Variants in SOX6 observed in about 807,000 individuals in gnomAD.
SOX6 encodes transcription factor SOX-6.
Under a neutral mutation model 97.8 loss-of-function variants are expected in SOX6, and 11 were observed. The ratio of observed to expected loss-of-function variants is 0.11; its 90% CI spans 0.07 to 0.19. SOX6 has a LOEUF of 0.19. Ranked by LOEUF, SOX6 falls within the 10% of genes least tolerant of loss-of-function variation. SOX6 has a pLI of 1.00. For missense variants in SOX6, 810 were observed against 1,039.5 expected, an observed-to-expected ratio of 0.78 and a Z score of 3.04; for synonymous variants, 360 against 371.4, an observed-to-expected ratio of 0.97 and a Z score of 0.35.
intron 12 of SOX6, among the ~76,000 whole-genome samples, chr11:16,016,373 T>C (rs1854883585): frequency 6.6e-6 from 1 of 152,066 alleles, no homozygotes; most frequent in South Asian, 2.1e-4. Flanking sequence ...TCTACACCAT[T>C]TCTATGAAAG....
chr11:15,980,939 C>T (rs1230072855), intron 15 of SOX6, among the ~76,000 whole-genome samples: 3 of 151,388 alleles, frequency 2.0e-5, no homozygotes, highest in Non-Finnish European at 4.4e-5. Context: ...GCTTCTCCAA[C>T]TATAGAATTC....
intron 1 of SOX6, among the ~76,000 whole-genome samples, chr11:16,347,174 C>G (rs1346464522): frequency 6.6e-6 from 1 of 152,114 alleles, no homozygotes; most frequent in African/African-American, 2.4e-5. Context: ...AGCCTAATGA[C>G]TGGCCTGCTG....
intron 4 of SOX6, among the ~76,000 whole-genome samples, chr11:16,560,510 CAT>C (rs1307746479): frequency 2.6e-5 from 3 of 115,530 alleles, no homozygotes; most frequent in African/African-American, 1.1e-4. Context: ...TTTATACGTA[CAT>C]ATATGTTTAT....
At chr11:16,312,734 T>C (rs975788871) in intron 3 of SOX6, 2 of 152,198 alleles carry the variant, frequency 1.3e-5, no homozygotes, top group African/African-American at 4.8e-5. Flanking sequence ...TGTATTTAGA[T>C]ATAGAAGTCC....
intron 12 of SOX6, among the ~76,000 whole-genome samples, chr11:16,027,053 T>C (rs1855234613): frequency 1.3e-5 from 2 of 152,174 alleles, no homozygotes; most frequent in African/African-American, 4.8e-5. Context: ...AGAGTTAACA[T>C]GTAGTTACCA....
rs117952089 is a variant in SOX6 at position 16,166,380 on chromosome 11, T to C, written c.777+17506A>G. ...AGTACAATTTGTTTCATATGTGTGC[T>C]TCTGCAATATTTGCTTCAATAAGTG... is the stretch of plus-strand genomic sequence containing the variant. On this transcript the variant is annotated intron_variant, in intron 6 of 15. Coordinates refer to ENST00000683767, the MANE Select transcript of SOX6 (RefSeq NM_001367873.1). Among the ~76,000 whole-genome samples the C allele has an allele frequency of 6.6e-3, 1,012 of 152,350 alleles. 6 individuals carry two copies. The highest frequency in any genetic ancestry group is 0.012 in the Non-Finnish European group (816 of 68,032).
At chr11:16,513,599 C>G (rs967981121) in intron 4 of SOX6, among the ~76,000 whole-genome samples, 14 of 152,316 alleles carry the variant, frequency 9.2e-5, no homozygotes, top group African/African-American at 3.1e-4. Context: ...TGCCACTGCA[C>G]TCCAGCCTGG....
At chr11:16,551,891 C>T (rs1201065618) in intron 4 of SOX6, among the ~76,000 whole-genome samples, 1 of 152,100 alleles carries the variant, frequency 6.6e-6, no homozygotes, top group Non-Finnish European at 1.5e-5. Context: ...AGGCATGAGC[C>T]ACCATGCCTG....
intron 4 of SOX6, among the ~76,000 whole-genome samples, chr11:16,497,276 C>T (rs1240168318): frequency 6.6e-6 from 1 of 152,134 alleles, no homozygotes; most frequent in Non-Finnish European, 1.5e-5. Context: ...AGAAGGAAAA[C>T]TAACACACAG....
chr11:16,183,861 GAC>G (rs762748512), intron 6 of SOX6, 23 bp downstream of exon 6: 1 of 1,605,758 alleles, frequency 6.2e-7, no homozygotes, highest in South Asian at 1.1e-5. Flanking sequence ...AGTATAATCA[GAC>G]GAGAGTAATA....
chr11:16,296,967 A>C (rs929003061), intron 3 of SOX6, among the ~76,000 whole-genome samples: 7 of 152,118 alleles, frequency 4.6e-5, no homozygotes, highest in Admixed American at 2.6e-4. Context: ...TCGAATTTAA[A>C]ATGTGTCCAT....
chr11:16,542,928 T>C (rs1861430049), intron 4 of SOX6, among the ~76,000 whole-genome samples: 1 of 152,120 alleles, frequency 6.6e-6, no homozygotes, highest in Non-Finnish European at 1.5e-5. Flanking sequence ...AATATTTATA[T>C]TATCCATAAC....
chr11:16,709,415 C>G (rs148801747), intron 3 of SOX6, among the ~76,000 whole-genome samples: 45 of 152,094 alleles, frequency 3.0e-4, no homozygotes, highest in Admixed American at 2.2e-3. Context: ...CTACTTGGGA[C>G]GCTGAGGCAC....
intron 1 of SOX6, among the ~76,000 whole-genome samples, chr11:16,354,813 T>C (rs1190122922): frequency 6.6e-6 from 1 of 152,046 alleles, no homozygotes; most frequent in South Asian, 2.1e-4. Flanking sequence ...TCCTATGAAA[T>C]ACATGAATAC....
intron 1 of SOX6, chr11:16,738,403 A>C: frequency 3.5e-6 from 1 of 282,228 alleles, no homozygotes; most frequent in Non-Finnish European, 6.9e-6. Flanking sequence ...CTGTGGCGAC[A>C]AAGCTCTCGG....
intron 4 of SOX6, among the ~76,000 whole-genome samples, chr11:16,560,696 C>G (rs1271064325): frequency 6.6e-6 from 1 of 151,936 alleles, no homozygotes; most frequent in Non-Finnish European, 1.5e-5. Context: ...GGGGCTACAA[C>G]TTTGCCAGGA....
At chr11:16,384,330 T>A (rs1857914016) in intron 1 of SOX6, among the ~76,000 whole-genome samples, 1 of 151,934 alleles carries the variant, frequency 6.6e-6, no homozygotes, top group African/African-American at 2.4e-5. Flanking sequence ...GATTAACTCA[T>A]TCTATACTGA....
intron 2 of SOX6, among the ~76,000 whole-genome samples, chr11:16,332,489 T>C (rs1276625103): frequency 6.6e-6 from 1 of 152,048 alleles, no homozygotes; most frequent in Admixed American, 6.6e-5. Context: ...ATACTGGGAG[T>C]AGAAACAAAT....
At chr11:16,092,826 T>C (rs1311349152) in intron 9 of SOX6, among the ~76,000 whole-genome samples, 1 of 151,002 alleles carries the variant, frequency 6.6e-6, no homozygotes, top group African/African-American at 2.4e-5. Flanking sequence ...ATAAAATGAA[T>C]AAATACACTG....
Sources: allele counts gnomAD v4.1 joint callset (sites outside exome capture counted in the v4.1 genomes callset), GRCh38; gene constraint gnomAD v4.1.1; transcripts MANE v1.5; gene names NCBI Gene and HGNC (gene_info 2026-07-23, HGNC 2026-07-21).